The following RAP1GAP2 variants were observed in gnomAD, a reference collection of about 807,000 sequenced individuals.
The protein encoded by RAP1GAP2 is RAP1 GTPase activating protein 2.
Under a neutral mutation model 95.0 loss-of-function variants are expected in RAP1GAP2, and 27 were observed. The observed-to-expected ratio is 0.28, with a 90% CI of 0.21 to 0.39. The LOEUF (loss-of-function observed/expected upper bound fraction) is 0.39. RAP1GAP2 is among the 10% of genes least tolerant of loss of function. RAP1GAP2 has a pLI of 1.00. For synonymous variants in RAP1GAP2, 373 were observed against 380.9 expected, an observed-to-expected ratio of 0.98 and a Z score of 0.24; for missense variants, 771 against 970.0, an observed-to-expected ratio of 0.79 and a Z score of 2.72.
chr17:2,818,095 T>TA (rs2070111285), intron 2 of RAP1GAP2, among the ~76,000 whole-genome samples: 1 of 149,206 alleles, frequency 6.7e-6, no homozygotes, highest in Non-Finnish European at 1.5e-5. Flanking sequence ...CTCGGCCTCC[T>TA]AAAGTGCTGG....
At chr17:2,830,237 C>A (rs1280664332) in intron 2 of RAP1GAP2, among the ~76,000 whole-genome samples, 1 of 151,524 alleles carries the variant, frequency 6.6e-6, no homozygotes, top group Non-Finnish European at 1.5e-5. Context: ...CATGGTGAAA[C>A]CCTGTCTGTA....
chr17:3,023,948 T>C (rs1273261129), intron 19 of RAP1GAP2, among the ~76,000 whole-genome samples: 2 of 152,192 alleles, frequency 1.3e-5, no homozygotes, highest in Non-Finnish European at 2.9e-5. Context: ...GGATGATGGT[T>C]TTCAGCTTCA....
rs142188991 is a variant in RAP1GAP2 at position 2,903,577 on chromosome 17, A to G, written c.81-1707A>G. Reference sequence around the variant, plus strand: ...AGTTACAGCCTGGATCAGGCGGGAGAGTCCCCCCTCTCCAGCCATCAAAAC... The same window carrying G: ...AGTTACAGCCTGGATCAGGCGGGAGGGTCCCCCCTCTCCAGCCATCAAAAC... On this transcript the variant is annotated intron_variant, in intron 2 of 24. Coordinates refer to ENST00000254695, the MANE Select transcript of RAP1GAP2 (RefSeq NM_015085.5). The surrounding 1 kb of genome is among the most constrained non-coding windows in gnomAD (Gnocchi z 4.1). Among the ~76,000 whole-genome samples, 77 of 152,266 alleles carry G rather than the reference A, an allele frequency of 5.1e-4. 1 individual carries two copies. The highest frequency in any genetic ancestry group is 1.8e-3 in the African/African-American group (73 of 41,564).
intron 12 of RAP1GAP2, among the ~76,000 whole-genome samples, chr17:2,992,336 A>G (rs2033281501): frequency 6.7e-6 from 1 of 149,346 alleles, no homozygotes; most frequent in Non-Finnish European, 1.5e-5. Flanking sequence ...TAATTTTTGT[A>G]TTTTTGGTAG....
intron 1 of RAP1GAP2, among the ~76,000 whole-genome samples, chr17:2,778,272 G>A (rs1157510577): frequency 6.6e-6 from 1 of 150,856 alleles, no homozygotes; most frequent in Admixed American, 6.6e-5. Flanking sequence ...CAAGTAGTTG[G>A]AGAGGGATGG....
intron 11 of RAP1GAP2, 142 bp downstream of exon 11, chr17:2,985,208 G>T: frequency 7.1e-7 from 1 of 1,412,150 alleles, no homozygotes; most frequent in Non-Finnish European, 9.3e-7. Context: ...GTATGAATTA[G>T]ACTGGAGGTG....
chr17:2,815,209 G>A (rs1277091782), intron 2 of RAP1GAP2, among the ~76,000 whole-genome samples: 2 of 152,142 alleles, frequency 1.3e-5, no homozygotes, highest in Admixed American at 6.5e-5. Context: ...ACAGCTGCAC[G>A]GGAACCAGTG....
chr17:2,813,423 G>C (rs1043117022), intron 2 of RAP1GAP2, among the ~76,000 whole-genome samples: 7 of 152,166 alleles, frequency 4.6e-5, no homozygotes, highest in Admixed American at 2.6e-4. Flanking sequence ...CCAAACCTGG[G>C]AAGCACTTCC....
chr17:2,908,564 A>G (rs904816299), intron 3 of RAP1GAP2, among the ~76,000 whole-genome samples: 2 of 151,930 alleles, frequency 1.3e-5, no homozygotes, highest in Non-Finnish European at 2.9e-5. Context: ...CAGATTTTGC[A>G]GGTGGTGAAT....
At chr17:2,852,971 G>A (rs2071934713) in intron 2 of RAP1GAP2, among the ~76,000 whole-genome samples, 1 of 152,080 alleles carries the variant, frequency 6.6e-6, no homozygotes, top group African/African-American at 2.4e-5. Flanking sequence ...CGACGAGTGC[G>A]CAGCGGCCAG....
chr17:2,856,387 A>G (rs1273706743), intron 2 of RAP1GAP2, among the ~76,000 whole-genome samples: 1 of 152,190 alleles, frequency 6.6e-6, no homozygotes, highest in African/African-American at 2.4e-5. Flanking sequence ...CTGCCTCACC[A>G]CAAAGGGCTG....
intron 4 of RAP1GAP2, among the ~76,000 whole-genome samples, chr17:2,960,232 G>T (rs1019859341): frequency 6.6e-6 from 1 of 152,170 alleles, no homozygotes; most frequent in Non-Finnish European, 1.5e-5. Context: ...GTTATTAGGG[G>T]AGGGAGTGGC....
intron 1 of RAP1GAP2, among the ~76,000 whole-genome samples, chr17:2,786,853 G>T (rs959747646): frequency 6.6e-6 from 1 of 151,572 alleles, no homozygotes; most frequent in African/African-American, 2.4e-5. Context: ...CACCATCTTG[G>T]CAGGGCTGGT....
intron 2 of RAP1GAP2, among the ~76,000 whole-genome samples, chr17:2,884,464 C>T (rs1457118648): frequency 6.6e-6 from 1 of 151,448 alleles, no homozygotes; most frequent in African/African-American, 2.4e-5. Flanking sequence ...CCTTCGCCTC[C>T]CCGGTTCAAG....
rs1372866366 is a variant in RAP1GAP2 at position 3,004,143 on chromosome 17, T to G, written c.1201-1226T>G. On this transcript the variant is annotated intron_variant, in intron 14 of 24. Coordinates refer to ENST00000254695, the MANE Select transcript of RAP1GAP2 (RefSeq NM_015085.5). This position sits in a 1 kb window ranked among gnomAD's most constrained non-coding sequence, Gnocchi z 4.1. ...TGGCTCTGTGACTGAATTCTTGACC[T>G]GGGCCACCGGTGCCTGGTGGGTGGT... Among the ~76,000 whole-genome samples the G allele has an allele frequency of 2.0e-5, 3 of 152,150 alleles. No individual in the cohort carries two copies. Among genetic ancestry groups the G allele is most frequent in the African/African-American group, 7.2e-5 (3 of 41,446 alleles).
Position 2,991,607 on chromosome 17 carries a change from G to A in RAP1GAP2, c.914+210G>A, listed in dbSNP as rs140479769. ...GGCAGATTCCCCTGAAGGCGTTCAC[G>A]TTCGGCCCTGGGCCCCGCCCCAGAT... On this transcript the variant is annotated intron_variant, in intron 12 of 24. Coordinates refer to ENST00000254695, the MANE Select transcript of RAP1GAP2 (RefSeq NM_015085.5). 3.4e-3 allele frequency among the ~76,000 whole-genome samples: 523 copies of A among 152,286 alleles called. 1 individual carries two copies. The highest frequency in any genetic ancestry group is 0.012 in the African/African-American group (499 of 41,556).
At position 2,963,095 on chromosome 17, in the gene RAP1GAP2, G is replaced by A. The variant is rs998174524; in HGVS notation, c.247-335G>A. 21 of 536,630 alleles carry A rather than the reference G, an allele frequency of 3.9e-5. No individual in the cohort carries two copies. Among genetic ancestry groups the A allele is most frequent in the Non-Finnish European group, 6.6e-5 (20 of 301,796 alleles). 33.2% of individuals were successfully genotyped at this position (536,630 alleles called of 1,614,324 possible). The stretch of plus-strand genomic sequence containing the variant: ...GGTGCCGCTTATCACTTGGAGGTCA[G>A]TCCGCCTGCCTGGAAAGGGGTGCTG... On this transcript the variant is annotated intron_variant, in intron 5 of 24. Coordinates refer to ENST00000254695, the MANE Select transcript of RAP1GAP2 (RefSeq NM_015085.5). The surrounding 1 kb of genome is among the most constrained non-coding windows in gnomAD (Gnocchi z 4.8).
intron 11 of RAP1GAP2, among the ~76,000 whole-genome samples, chr17:2,990,425 G>A (rs1441055451): frequency 6.6e-6 from 1 of 152,214 alleles, no homozygotes; most frequent in Non-Finnish European, 1.5e-5. Flanking sequence ...ATGCCTGGGA[G>A]TGAAGTTGCC....
rs560380587 is a variant in RAP1GAP2 at position 3,003,252 on chromosome 17, C to T, written c.1201-2117C>T. Among the ~76,000 whole-genome samples, 8 of 152,220 alleles carry T rather than the reference C, an allele frequency of 5.3e-5. No individual in the cohort carries two copies. Among genetic ancestry groups the T allele is most frequent in the East Asian group, 1.9e-4 (1 of 5,178 alleles). ...CAGAGCAGGCGAGAAATTGGCTCCA[C>T]GGAGTCGGGTGTGCACGAAGCATCA... On this transcript the variant is annotated intron_variant, in intron 14 of 24. Transcript: ENST00000254695. The surrounding 1 kb of genome is among the most constrained non-coding windows in gnomAD (Gnocchi z 4.1).
Sources: allele counts gnomAD v4.1 joint callset (sites outside exome capture counted in the v4.1 genomes callset), GRCh38; gene constraint gnomAD v4.1.1; non-coding constraint Gnocchi (gnomAD v3.1); transcripts MANE v1.5; gene names NCBI Gene and HGNC (gene_info 2026-07-23, HGNC 2026-07-21).